Variants in SYT16 observed in about 807,000 individuals in gnomAD.
The protein encoded by SYT16 is synaptotagmin-16.
SYT16 carries 42 observed loss-of-function variants against 61.4 expected under a neutral mutation model. The observed-to-expected ratio is 0.68, with a 90% CI of 0.53 to 0.89. SYT16 has a LOEUF of 0.89. SYT16 is among the 40% of genes least tolerant of loss of function. The probability of loss-of-function intolerance (pLI) is 0.00; values close to 1 mark genes in which losing one functional copy is unlikely to be tolerated. For synonymous variants in SYT16, 314 were observed against 302.3 expected (o/e 1.04, Z -0.40); for missense variants, 804 against 807.3 (o/e 1.00, Z 0.05).
At chr14:61,903,906 T>C (rs141698306) in intron 1 of SYT16, among the ~76,000 whole-genome samples, 1 of 152,254 alleles carries the variant, frequency 6.6e-6, no homozygotes. Context: ...TTTTCTTGCC[T>C]GTAGATCAGC....
rs539666020 is a variant in SYT16 at position 62,059,954 on chromosome 14, T to C, written c.524-9649T>C. On this transcript the variant is annotated intron_variant, in intron 3 of 7. Coordinates refer to ENST00000683842, the MANE Select transcript of SYT16 (RefSeq NM_001367656.1). ...CTTGTGTGGCACTATTTCTGGACTCTGTATTCTGCTTCATTGATTTATTGA... is the reference window on the plus strand; with the variant it reads ...CTTGTGTGGCACTATTTCTGGACTCCGTATTCTGCTTCATTGATTTATTGA... Among the ~76,000 whole-genome samples the C allele has an allele frequency of 8.5e-5, 13 of 152,212 alleles. 1 individual carries two copies. The South Asian group carries it at 2.5e-3, about 29-fold the overall frequency.
At chr14:61,835,250 A>ATTTTTTTT (rs11378872) in intron 1 of SYT16, among the ~76,000 whole-genome samples, 2 of 110,778 alleles carry the variant, frequency 1.8e-5, no homozygotes, top group Admixed American at 1.0e-4. Flanking sequence ...TGAAAGGTGA[A>ATTTTTTTT]TTTTTTTTTT....
At chr14:62,054,569 C>A (rs1262951325) in intron 3 of SYT16, among the ~76,000 whole-genome samples, 1 of 151,946 alleles carries the variant, frequency 6.6e-6, no homozygotes, top group Non-Finnish European at 1.5e-5. Context: ...CTCATGTTGC[C>A]CAGGCTGGTT....
intron 4 of SYT16, among the ~76,000 whole-genome samples, chr14:62,072,822 T>G (rs987328540): frequency 4.6e-5 from 7 of 152,182 alleles, no homozygotes; most frequent in Non-Finnish European, 1.0e-4. Flanking sequence ...GAAAAAAGTA[T>G]TTGAATAATG....
intron 1 of SYT16, among the ~76,000 whole-genome samples, chr14:61,935,002 A>C (rs1335794676): frequency 6.6e-6 from 1 of 152,148 alleles, no homozygotes; most frequent in African/African-American, 2.4e-5. Flanking sequence ...TTATTGCATA[A>C]ATTTAAGGTG....
intron 3 of SYT16, among the ~76,000 whole-genome samples, chr14:62,026,989 A>G (rs76878830): frequency 6.6e-6 from 1 of 152,200 alleles, no homozygotes; most frequent in East Asian, 1.9e-4. Flanking sequence ...AATGTTTTTT[A>G]TACATTTCAA....
chr14:61,973,038 T>C (rs1429803861), intron 2 of SYT16, among the ~76,000 whole-genome samples: 1 of 152,186 alleles, frequency 6.6e-6, no homozygotes, highest in Admixed American at 6.5e-5. Flanking sequence ...GCCATTTTTG[T>C]TGATAAAAAA....
chr14:61,863,070 C>T (rs2047014347), intron 1 of SYT16, among the ~76,000 whole-genome samples: 1 of 152,218 alleles, frequency 6.6e-6, no homozygotes, highest in Admixed American at 6.5e-5. Context: ...ATGAGTAAAG[C>T]TGCTATAAAC....
chr14:62,016,539 CAAAAAAAAAA>C (rs10610233), intron 3 of SYT16, among the ~76,000 whole-genome samples: 2 of 97,298 alleles, frequency 2.1e-5, no homozygotes, highest in Non-Finnish European at 4.2e-5. Context: ...TCTAAAAATA[CAAAAAAAAAA>C]AAAAAAAAAA....
intron 7 of SYT16, among the ~76,000 whole-genome samples, chr14:62,088,667 A>G (rs1595387623): frequency 6.6e-6 from 1 of 152,222 alleles, no homozygotes; most frequent in Non-Finnish European, 1.5e-5. Flanking sequence ...AATGAAATGC[A>G]TGCTGAAATT....
intron 3 of SYT16, among the ~76,000 whole-genome samples, chr14:62,017,832 G>A (rs4595721): frequency 6.6e-6 from 1 of 151,610 alleles, no homozygotes; most frequent in Admixed American, 6.6e-5. Context: ...GTGAACTTCA[G>A]CCTCCTGAGT....
rs143909425 is a variant in SYT16, at chr14:61,898,086, C to T, written c.-324-72046C>T. Among the ~76,000 whole-genome samples the T allele has an allele frequency of 3.5e-3, 538 of 152,296 alleles. 2 individuals are homozygous for T. The highest frequency in any genetic ancestry group is 0.012 in the African/African-American group (500 of 41,562). On this transcript the variant is annotated intron_variant, in intron 1 of 7. Coordinates refer to ENST00000683842, the MANE Select transcript of SYT16 (RefSeq NM_001367656.1). The stretch of plus-strand genomic sequence containing the variant: ...CTTTTCCCTAACCATCCCTAGCGCC[C>T]GTTACCCCCACAGGAGTTGTCCGGG...
Position 61,880,893 on chromosome 14 carries a change from CT to C in SYT16, c.-325+68089del, listed in dbSNP as rs936344584. ...TTGCAAAAATGATGGTTTTTGTTTTCTTTTTTCTAATCCTTCTACTTTTAAA... is the reference window on the plus strand; with the variant it reads ...TTGCAAAAATGATGGTTTTTGTTTTCTTTTTCTAATCCTTCTACTTTTAAA... On this transcript the variant is annotated intron_variant, in intron 1 of 7. Transcript: ENST00000683842. Among the ~76,000 whole-genome samples, 9 of 151,926 alleles carry C rather than the reference CT, an allele frequency of 5.9e-5. No homozygotes were observed. The South Asian group carries it at 1.0e-3, about 18-fold the overall frequency.
chr14:61,951,713 G>T, intron 1 of SYT16, among the ~76,000 whole-genome samples: 1 of 151,942 alleles, frequency 6.6e-6, no homozygotes, highest in East Asian at 1.9e-4. Flanking sequence ...TAATGTGATT[G>T]AATATTCTCT....
chr14:61,836,751 A>G (rs1305871640), intron 1 of SYT16, among the ~76,000 whole-genome samples: 1 of 152,234 alleles, frequency 6.6e-6, no homozygotes, highest in African/African-American at 2.4e-5. Flanking sequence ...GGCCGGGGAA[A>G]CAAGCTTGTT....
At chr14:62,008,667 G>A (rs941227692) in intron 3 of SYT16, among the ~76,000 whole-genome samples, 7 of 140,224 alleles carry the variant, frequency 5.0e-5, no homozygotes, top group Non-Finnish European at 7.6e-5. Context: ...ATATGTAACT[G>A]TAAACTACAT....
At chr14:61,987,743 CCT>C (rs1491410375) in intron 2 of SYT16, among the ~76,000 whole-genome samples, 1,178 of 15,836 alleles carry the variant, frequency 0.074, 7 homozygotes, top group Middle Eastern at 0.29. Context: ...TGATTTTTTT[CCT>C]TTTTTTTTTT....
intron 3 of SYT16, among the ~76,000 whole-genome samples, chr14:62,050,002 AAT>A (rs2055195768): frequency 1.3e-5 from 2 of 152,192 alleles, no homozygotes. Context: ...GTATTTCCTG[AAT>A]TTGAATGTTG....
At chr14:62,084,106 T>G in intron 6 of SYT16, 90 bp from the exon 7 acceptor site, 1 of 1,467,092 alleles carries the variant, frequency 6.8e-7, no homozygotes, top group Non-Finnish European at 9.2e-7. Flanking sequence ...GGGGATTGGG[T>G]CACAATTTCA....
Sources: allele counts gnomAD v4.1 joint callset (sites outside exome capture counted in the v4.1 genomes callset), GRCh38; gene constraint gnomAD v4.1.1; transcripts MANE v1.5; gene names NCBI Gene and HGNC (gene_info 2026-07-23, HGNC 2026-07-21).